The following TTYH1 variants were observed in gnomAD, a reference collection of about 807,000 sequenced individuals.
TTYH1 encodes the protein tweety family member 1.
TTYH1 carries 33 observed loss-of-function variants against 61.2 expected under a neutral mutation model. The ratio of observed to expected loss-of-function variants is 0.54; its 90% CI spans 0.41 to 0.72. The LOEUF is 0.72. TTYH1 is among the 30% of genes least tolerant of loss of function. The pLI, the probability that TTYH1 is intolerant of heterozygous loss-of-function variation, is 0.00. For missense variants in TTYH1, 538 were observed against 575.8 expected (o/e 0.93, Z 0.67); for synonymous variants, 308 against 266.4 (o/e 1.16, Z -1.52).
Position 54,420,336 on chromosome 19 carries a change from C to T in TTYH1, c.306-941C>T, listed in dbSNP as rs557427005. 5.9e-5 allele frequency among the ~76,000 whole-genome samples: 9 copies of T among 152,180 alleles called. No individual in the cohort carries two copies. The South Asian group carries it at 1.2e-3, about 21-fold the overall frequency. On this transcript the variant is annotated intron_variant, in intron 2 of 13. Transcript: ENST00000376530. The surrounding 1 kb of genome is among the most constrained non-coding windows in gnomAD (Gnocchi z 4.8). Reference sequence around the variant, plus strand: ...GACGCTTCCTCCTCCGGCTCTCTGGCGTGGGGGGAGACAGGGGAGGTGGAC... The same window carrying T: ...GACGCTTCCTCCTCCGGCTCTCTGGTGTGGGGGGAGACAGGGGAGGTGGAC...
At position 54,419,523 on chromosome 19, in the gene TTYH1, G is replaced by A. The variant is rs1326346714; in HGVS notation, c.305+217G>A. 1.4e-6 allele frequency: 1 copy of A among 716,408 alleles called. No individual in the cohort carries two copies. Among genetic ancestry groups the A allele is most frequent in the Non-Finnish European group, 2.5e-6 (1 of 399,010 alleles). The allele number at this position is 716,408 out of a possible 1,614,324, so 44.4% of individuals were successfully genotyped here. On this transcript the variant is annotated intron_variant, in intron 2 of 13. Transcript: ENST00000376530. The surrounding 1 kb of genome is among the most constrained non-coding windows in gnomAD (Gnocchi z 6.1). Reference sequence around the variant, plus strand: ...GAAAGTGAGGCTCTGGAGAGGAAGTGAATCAAGGGCAGCCATCTGGTGAGA... The same window carrying A: ...GAAAGTGAGGCTCTGGAGAGGAAGTAAATCAAGGGCAGCCATCTGGTGAGA...
Position 54,430,815 on chromosome 19 carries a change from GCTGA to G in TTYH1, c.945_948del (p.Thr316CysfsTer38), listed in dbSNP as rs1267267925. ...TCCCTCCCTTTCTCTTTCTGCAGAG[GCTGA>G]CTCTGTCCCAGCGAGCTCTGGCCAA... On this transcript the variant is annotated frameshift_variant, in exon 9 of 14. Transcript: ENST00000376530. LOFTEE classifies it high-confidence loss of function. 6.2e-7 allele frequency: 1 copy of G among 1,613,704 alleles called. No homozygotes were observed. Among genetic ancestry groups the G allele is most frequent in the Non-Finnish European group, 8.5e-7 (1 of 1,179,848 alleles).
Position 54,422,342 on chromosome 19 carries a change from CT to C in TTYH1, c.572del (p.Phe191SerfsTer7). On this transcript the variant is annotated frameshift_variant, in exon 4 of 14. Coordinates refer to ENST00000376530, the MANE Select transcript of TTYH1 (RefSeq NM_020659.4). LOFTEE classifies it high-confidence loss of function. ...CGGCCCAGCAGCTGCAGGGGCTGGCCTTCTGGCAGGGAGTGCCCCTGAGCCC... is the reference window on the plus strand; with the variant it reads ...CGGCCCAGCAGCTGCAGGGGCTGGCCTCTGGCAGGGAGTGCCCCTGAGCCC... Reference protein sequence around the residue: ...AAAQQLQGLAFWQGVPLSPLQ... With the variant: ...AAAQQLQGLAXWQGVPLSPLQ... The C allele has an allele frequency of 6.4e-7, 1 of 1,573,398 alleles. No individual in the cohort carries two copies. The highest frequency in any genetic ancestry group is 8.6e-7 in the Non-Finnish European group (1 of 1,160,672).
intron 5 of TTYH1, among the ~76,000 whole-genome samples, chr19:54,428,194 A>G (rs2083368991): frequency 6.7e-6 from 1 of 148,350 alleles, no homozygotes; most frequent in Non-Finnish European, 1.5e-5. Flanking sequence ...GGTTCAGGCA[A>G]TTCTCCTGCT....
At position 54,415,633 on chromosome 19, in the gene TTYH1, C is replaced by G; in HGVS notation, c.81C>G (p.Arg27=). 1.9e-6 allele frequency: 3 copies of G among 1,567,622 alleles called. No individual in the cohort carries two copies. The highest frequency in any genetic ancestry group is 1.2e-5 in the South Asian group (1 of 85,060). ...HQLPRADFQL[R]PVPSVFAPQE... ...TGCCCCGCGCCGACTTCCAGCTCCG[C>G]CCGGTGCCCAGCGTTTTCGCGCCCC... Residue 27 remains arginine, a synonymous_variant, in exon 1 of 14, where the codon CGC becomes CGG. Coordinates refer to ENST00000376530, the MANE Select transcript of TTYH1 (RefSeq NM_020659.4). This position sits in a 1 kb window ranked among gnomAD's most constrained non-coding sequence, Gnocchi z 5.2.
chr19:54,417,085 G>A (rs2083096868), intron 1 of TTYH1, among the ~76,000 whole-genome samples: 1 of 152,068 alleles, frequency 6.6e-6, no homozygotes, highest in South Asian at 2.1e-4. Flanking sequence ...AGGGCCTCAG[G>A]GACACTGGCC....
In TTYH1 at chr19:54,436,497, A is replaced by T; in HGVS notation, c.*207A>T. The T allele has an allele frequency of 9.5e-7, 1 of 1,048,694 alleles. No individual in the cohort carries two copies. The allele number at this position is 1,048,694 out of a possible 1,614,324, so 65.0% of individuals were successfully genotyped here. On this transcript the variant is annotated 3_prime_UTR_variant, in exon 14 of 14. Transcript: ENST00000376530. This position sits in a 1 kb window ranked among gnomAD's most constrained non-coding sequence, Gnocchi z 4.3. ...TTGGGAGTAGCTGAGGGGGCAGACT[A>T]GGGAGTAGGGCTGGCAGGGGAGGGG...
intron 4 of TTYH1, among the ~76,000 whole-genome samples, chr19:54,425,472 C>A (rs2083305146): frequency 6.6e-6 from 1 of 152,182 alleles, no homozygotes; most frequent in South Asian, 2.1e-4. Context: ...TTGGCTATTT[C>A]TTTACTTCCT....
chr19:54,436,589 G>T lies in TTYH1; in HGVS notation c.*299G>T. The T allele has an allele frequency of 1.7e-6, 1 of 601,362 alleles. No homozygotes were observed. Among genetic ancestry groups the T allele is most frequent in the Non-Finnish European group, 3.0e-6 (1 of 337,098 alleles). The allele number at this position is 601,362 out of a possible 1,614,324, so 37.3% of individuals were successfully genotyped here. On this transcript the variant is annotated 3_prime_UTR_variant, in exon 14 of 14. Transcript: ENST00000376530. The surrounding 1 kb of genome is among the most constrained non-coding windows in gnomAD (Gnocchi z 4.3). ...TCCCATCCTTGGAGGGACTAAGCTG[G>T]GGGTGGGGGACATGAGTCCCCCTGC...
chr19:54,425,537 T>C (rs1225306708), intron 4 of TTYH1, among the ~76,000 whole-genome samples: 1 of 152,134 alleles, frequency 6.6e-6, no homozygotes, highest in Admixed American at 6.5e-5. Context: ...ATTGGTTGGG[T>C]GTGAGCTAAA....
rs1480174320 is a variant in TTYH1, at chr19:54,420,853, G to A, written c.306-424G>A. ...GAAGGGTTGGCACTGCAGGCCCCAA[G>A]GACCCTAGGGCACCCTAGGACAGGT... On this transcript the variant is annotated intron_variant, in intron 2 of 13. Coordinates refer to ENST00000376530, the MANE Select transcript of TTYH1 (RefSeq NM_020659.4). This position sits in a 1 kb window ranked among gnomAD's most constrained non-coding sequence, Gnocchi z 4.8. 8.8e-6 allele frequency: 2 copies of A among 226,742 alleles called. No individual in the cohort carries two copies. The highest frequency in any genetic ancestry group is 2.3e-5 in the African/African-American group (1 of 44,204). 14.0% of individuals were successfully genotyped at this position (226,742 alleles called of 1,614,324 possible). A position where few individuals can be genotyped will look rare whatever the true frequency, so the allele number is the denominator to read the frequency against.
In TTYH1 at chr19:54,416,741, G is replaced by A; in HGVS notation, c.126+1063G>A. The A allele has an allele frequency of 7.8e-7, 1 of 1,290,308 alleles. No homozygotes were observed. The highest frequency in any genetic ancestry group is 1.0e-6 in the Non-Finnish European group (1 of 988,016). 79.9% of individuals were successfully genotyped at this position (1,290,308 alleles called of 1,614,324 possible). Reference sequence around the variant, plus strand: ...AGCAGCTCTTCCCCGCCTGCTCCTCGCCGCCCCCTCTCCCCACACACGGGG... The same window carrying A: ...AGCAGCTCTTCCCCGCCTGCTCCTCACCGCCCCCTCTCCCCACACACGGGG... On this transcript the variant is annotated intron_variant, in intron 1 of 13. Transcript: ENST00000376530. The surrounding 1 kb of genome is among the most constrained non-coding windows in gnomAD (Gnocchi z 7.0).
chr19:54,430,988 G>C (rs2083429046), intron 9 of TTYH1, 83 bp downstream of exon 9: 2 of 1,538,656 alleles, frequency 1.3e-6, no homozygotes, highest in Admixed American at 1.7e-5. Flanking sequence ...GCGTAGGCGG[G>C]GCTGCAGAGC....
chr19:54,424,954 G>A (rs1288204873), intron 4 of TTYH1, among the ~76,000 whole-genome samples: 4 of 152,146 alleles, frequency 2.6e-5, no homozygotes, highest in Admixed American at 6.5e-5. Flanking sequence ...AGGGCAGCAA[G>A]CCTCGTGTTC....
chr19:54,415,566 C>T lies in TTYH1; in HGVS notation c.14C>T (p.Pro5Leu). The stretch of plus-strand genomic sequence containing the variant: ...CCCCCGGGGGCCATGGGGGCGCCCC[C>T]GGGCTACCGGCCCTCAGCTTGGGTG... MGAPPGYRPSAWVHL... is the reference protein window; with the variant it reads MGAPLGYRPSAWVHL... The change falls in exon 1 of 14, where the codon CCG (proline) becomes CTG (leucine). Residue 5 changes from proline (P) to leucine (L), a missense_variant. By Grantham distance (98) the Pro-to-Leu change is moderately conservative (BLOSUM62 -3). This residue lies in a region of TTYH1 where 157 missense variants were observed against 157.0 expected (regional missense o/e 1.00). Coordinates refer to ENST00000376530, the MANE Select transcript of TTYH1 (RefSeq NM_020659.4). The surrounding 1 kb of genome is among the most constrained non-coding windows in gnomAD (Gnocchi z 5.2). The T allele has an allele frequency of 2.7e-6, 4 of 1,482,892 alleles. No individual in the cohort carries two copies. The highest frequency in any genetic ancestry group is 2.9e-5 in the East Asian group (1 of 34,936). The allele number at this position is 1,482,892 out of a possible 1,614,324, so 91.9% of individuals were successfully genotyped here.
chr19:54,435,124 C>T (rs928006720), intron 10 of TTYH1: 3 of 170,276 alleles, frequency 1.8e-5, no homozygotes, highest in Non-Finnish European at 3.8e-5. Context: ...GTGCCGCTGC[C>T]GGGAGGGAGA....
rs200702906 is a variant in TTYH1 at position 54,430,785 on chromosome 19, C to T, written c.940-28C>T. ...GGGCCGGGGGCGTATACTCCTGGGT[C>T]CTCCTCCCTCCCTTTCTCTTTCTGC... On this transcript the variant is annotated intron_variant, in intron 8 of 13. Coordinates refer to ENST00000376530, the MANE Select transcript of TTYH1 (RefSeq NM_020659.4). The T allele has an allele frequency of 3.1e-5, 50 of 1,608,510 alleles. No homozygotes were observed. In the African/African-American group the frequency reaches 5.6e-4, roughly 18 times the overall value.
intron 4 of TTYH1, 180 bp from the exon 5 acceptor site, chr19:54,426,493 C>T: frequency 1.6e-6 from 1 of 628,164 alleles, no homozygotes; most frequent in East Asian, 2.7e-5. Flanking sequence ...CATGATAACA[C>T]TATTTCACAG....
At position 54,416,005 on chromosome 19, in the gene TTYH1, C is replaced by T; in HGVS notation, c.126+327C>T. 2 of 1,334,836 alleles carry T rather than the reference C, an allele frequency of 1.5e-6. No homozygotes were observed. The highest frequency in any genetic ancestry group is 4.6e-5 in the East Asian group (1 of 21,878). The allele number at this position is 1,334,836 out of a possible 1,614,324, so 82.7% of individuals were successfully genotyped here. ...CTGGGAAGCCGGCCTCCAGGGTCAT[C>T]GGGAGGGTAGGTCTACTCTTCCTGC... On this transcript the variant is annotated intron_variant, in intron 1 of 13. Coordinates refer to ENST00000376530, the MANE Select transcript of TTYH1 (RefSeq NM_020659.4). The surrounding 1 kb of genome is among the most constrained non-coding windows in gnomAD (Gnocchi z 7.0).
Sources: gnomAD v4.1 joint callset for allele counts (sites outside exome capture counted in the v4.1 genomes callset) on GRCh38, gnomAD v4.1.1 for gene constraint, gnomAD v4.1.1 regional missense constraint, Gnocchi (gnomAD v3.1) non-coding constraint, MANE v1.5 for transcripts, NCBI Gene and HGNC (gene_info 2026-07-23, HGNC 2026-07-21) for gene names.